The following ACTR3B variants were observed in gnomAD, a reference collection of about 807,000 sequenced individuals.
ACTR3B encodes the protein actin related protein 3B.
Under a neutral mutation model 59.0 loss-of-function variants are expected in ACTR3B, and 8 were observed. That is an observed-to-expected ratio of 0.14 (90% CI 0.08 to 0.24). The LOEUF is 0.24. ACTR3B is among the 10% of genes least tolerant of loss of function. ACTR3B has a pLI of 1.00. For missense variants in ACTR3B, 245 were observed against 552.3 expected, an observed-to-expected ratio of 0.44 and a Z score of 5.58; for synonymous variants, 148 against 197.9, an observed-to-expected ratio of 0.75 and a Z score of 2.12.
chr7:152,798,583 T>TCCAAAAAAATCCTTGC lies in ACTR3B; in HGVS notation c.101-1944_101-1929dup, dbSNP rs1438021284. 2.4e-4 allele frequency among the ~76,000 whole-genome samples: 36 copies of TCCAAAAAAATCCTTGC among 152,298 alleles called. No individual in the cohort carries two copies. The South Asian group carries it at 7.5e-3, about 32-fold the overall frequency. ...TGTTACCTGTGCTCTTGAGGTCTTG[T>TCCAAAAAAATCCTTGC]CCAAAAAAATCCTTGCCCAGACCAA... is the stretch of plus-strand genomic sequence containing the variant. On this transcript the variant is annotated intron_variant, in intron 2 of 11. Transcript: ENST00000256001.
chr7:152,830,782 C>T (rs1428832328), intron 9 of ACTR3B, among the ~76,000 whole-genome samples: 1 of 152,110 alleles, frequency 6.6e-6, no homozygotes, highest in Non-Finnish European at 1.5e-5. Flanking sequence ...AACGCCTGGC[C>T]TCAAGTGATC....
intron 5 of ACTR3B, among the ~76,000 whole-genome samples, chr7:152,815,177 A>T (rs559471990): frequency 6.6e-6 from 1 of 152,058 alleles, no homozygotes; most frequent in East Asian, 1.9e-4. Flanking sequence ...AATAAATGAG[A>T]TGGGTGTTGC....
At chr7:152,814,875 A>G (rs988796166) in intron 5 of ACTR3B, among the ~76,000 whole-genome samples, 20 of 152,098 alleles carry the variant, frequency 1.3e-4, no homozygotes, top group African/African-American at 4.1e-4. Flanking sequence ...TTTTACGTGC[A>G]TTAAAGTCTA....
intron 1 of ACTR3B, among the ~76,000 whole-genome samples, chr7:152,779,046 T>C (rs2116587526): frequency 6.8e-6 from 1 of 146,132 alleles, no homozygotes; most frequent in Middle Eastern, 3.6e-3. Context: ...ATTATAGACA[T>C]ATCGTGCTAA....
chr7:152,767,487 C>T (rs2098113917), intron 1 of ACTR3B, among the ~76,000 whole-genome samples: 1 of 152,156 alleles, frequency 6.6e-6, no homozygotes, highest in African/African-American at 2.4e-5. Context: ...GTTGTTCCTC[C>T]AAGTGATCTT....
chr7:152,760,204 C>G (rs1041545265), intron 1 of ACTR3B, among the ~76,000 whole-genome samples: 1 of 152,138 alleles, frequency 6.6e-6, no homozygotes, highest in Non-Finnish European at 1.5e-5. Context: ...CCTCCCCCGC[C>G]CACGTGGCCG....
chr7:152,808,470 A>G (rs1464864328), intron 4 of ACTR3B, among the ~76,000 whole-genome samples: 3 of 151,732 alleles, frequency 2.0e-5, no homozygotes, highest in Admixed American at 6.6e-5. Flanking sequence ...TTGTATCATC[A>G]TTTCACACTG....
chr7:152,817,305 C>T (rs535498321), intron 6 of ACTR3B, among the ~76,000 whole-genome samples: 170 of 151,858 alleles, frequency 1.1e-3, no homozygotes, highest in African/African-American at 3.8e-3. Flanking sequence ...CGCTTGAACC[C>T]GGGAGACGGA....
At chr7:152,833,194 A>G (rs1797165871) in intron 9 of ACTR3B, among the ~76,000 whole-genome samples, 1 of 152,220 alleles carries the variant, frequency 6.6e-6, no homozygotes, top group African/African-American at 2.4e-5. Context: ...GGTTAGAGGA[A>G]AGAAGACGTG....
intron 1 of ACTR3B, among the ~76,000 whole-genome samples, chr7:152,766,206 C>T (rs1481642207): frequency 6.6e-6 from 1 of 152,140 alleles, no homozygotes; most frequent in Non-Finnish European, 1.5e-5. Context: ...CTAGAGGAAA[C>T]CGGGGCAAGC....
At chr7:152,848,293 C>T (rs1408899375) in intron 9 of ACTR3B, among the ~76,000 whole-genome samples, 3 of 152,220 alleles carry the variant, frequency 2.0e-5, no homozygotes, top group African/African-American at 7.2e-5. Flanking sequence ...AGCTCTCAGA[C>T]ACCCCAGGCT....
intron 9 of ACTR3B, among the ~76,000 whole-genome samples, chr7:152,838,913 A>G (rs966228352): frequency 1.3e-5 from 2 of 152,112 alleles, no homozygotes; most frequent in African/African-American, 2.4e-5. Flanking sequence ...TCCACATTAT[A>G]AGAGGGTTGT....
At chr7:152,782,189 A>T (rs1442701842) in intron 1 of ACTR3B, among the ~76,000 whole-genome samples, 6 of 151,290 alleles carry the variant, frequency 4.0e-5, no homozygotes, top group Admixed American at 3.9e-4. Flanking sequence ...ATATTGAAAT[A>T]ATTTTTAAAA....
chr7:152,773,179 G>T (rs2098128328), intron 1 of ACTR3B, among the ~76,000 whole-genome samples: 1 of 147,516 alleles, frequency 6.8e-6, no homozygotes, highest in African/African-American at 2.5e-5. Flanking sequence ...CACCTGAGAT[G>T]ACCTCACCTG....
chr7:152,766,740 A>G (rs2116500302), intron 1 of ACTR3B, among the ~76,000 whole-genome samples: 1 of 152,270 alleles, frequency 6.6e-6, no homozygotes, highest in South Asian at 2.1e-4. Context: ...CATAGTTAAG[A>G]AAGGTTTTTT....
chr7:152,792,937 T>TA (rs1332744357), intron 2 of ACTR3B, among the ~76,000 whole-genome samples: 4 of 151,752 alleles, frequency 2.6e-5, no homozygotes, highest in Non-Finnish European at 4.4e-5. Context: ...GATGGACAGT[T>TA]CTTTCAGCAC....
chr7:152,790,266 T>G (rs1381398287), intron 2 of ACTR3B, among the ~76,000 whole-genome samples: 1 of 152,280 alleles, frequency 6.6e-6, no homozygotes, highest in Non-Finnish European at 1.5e-5. Context: ...GTGTTGAAAT[T>G]ATAGGTGTGA....
chr7:152,853,438 A>C, intron 10 of ACTR3B, 56 bp from the exon 11 acceptor site: 1 of 1,543,158 alleles, frequency 6.5e-7, no homozygotes, highest in South Asian at 1.1e-5. Context: ...CCGGGGGATG[A>C]TTAGATCACA....
intron 4 of ACTR3B, among the ~76,000 whole-genome samples, chr7:152,810,427 T>G (rs1590329884): frequency 6.4e-5 from 2 of 31,054 alleles, no homozygotes; most frequent in African/African-American, 1.7e-4. Context: ...TTTTTTTTTT[T>G]TGTTGTTGTT....
Sources: gnomAD v4.1 joint callset for allele counts (sites outside exome capture counted in the v4.1 genomes callset) on GRCh38, gnomAD v4.1.1 for gene constraint, MANE v1.5 for transcripts, NCBI Gene and HGNC (gene_info 2026-07-23, HGNC 2026-07-21) for gene names.